NEDD4L: variants seen among roughly 807,000 people sequenced by gnomAD.
NEDD4L encodes E3 ubiquitin-protein ligase NEDD4-like.
NEDD4L carries 54 observed loss-of-function variants against 148.9 expected under a neutral mutation model. The ratio of observed to expected loss-of-function variants is 0.36; its 90% CI spans 0.29 to 0.45. NEDD4L has a LOEUF of 0.45. Ranked by LOEUF, NEDD4L falls within the 20% of genes least tolerant of loss-of-function variation. The pLI, the probability that NEDD4L is intolerant of heterozygous loss-of-function variation, is 1.00. For synonymous variants in NEDD4L, 433 were observed against 440.7 expected (o/e 0.98, Z 0.22); for missense variants, 856 against 1,233.8 (o/e 0.69, Z 4.59).
intron 1 of NEDD4L, among the ~76,000 whole-genome samples, chr18:58,142,115 G>C (rs2033605155): frequency 7.1e-6 from 1 of 140,066 alleles, no homozygotes; most frequent in Non-Finnish European, 1.5e-5. Context: ...GGCGTGATCT[G>C]GGGTCACTGC....
At chr18:58,276,694 A>ATTATTATTATTATTAT (rs367992185) in intron 5 of NEDD4L, among the ~76,000 whole-genome samples, 4 of 97,826 alleles carry the variant, frequency 4.1e-5, no homozygotes, top group African/African-American at 1.6e-4. Flanking sequence ...AATAATAATA[A>ATTATTATTATTATTAT]TATTATTATT....
intron 5 of NEDD4L, among the ~76,000 whole-genome samples, chr18:58,266,985 C>T (rs935012219): frequency 1.3e-5 from 2 of 152,180 alleles, no homozygotes; most frequent in East Asian, 1.9e-4. Flanking sequence ...TTAAAATAAT[C>T]TGGTGACTGC....
intron 5 of NEDD4L, chr18:58,314,736 G>A (rs1156417781): frequency 1.3e-5 from 2 of 152,310 alleles, no homozygotes; most frequent in Non-Finnish European, 2.9e-5. Context: ...CATTCTTCAT[G>A]CATACCCAAA....
intron 1 of NEDD4L, among the ~76,000 whole-genome samples, chr18:58,161,134 CATTCTCCTGCCTCA>C (rs2036154699): frequency 6.6e-6 from 1 of 152,062 alleles, no homozygotes; most frequent in African/African-American, 2.4e-5. Context: ...CTCCTGCCTC[CATTCTCCTGCCTCA>C]GCCTCCTGAG....
chr18:58,361,817 A>G (rs919073316), intron 19 of NEDD4L, among the ~76,000 whole-genome samples: 2 of 152,250 alleles, frequency 1.3e-5, no homozygotes, highest in Non-Finnish European at 2.9e-5. Context: ...CTATTTTACA[A>G]GCTAACTTGT....
intron 1 of NEDD4L, among the ~76,000 whole-genome samples, chr18:58,135,076 T>G (rs990593259): frequency 2.6e-5 from 4 of 151,966 alleles, no homozygotes; most frequent in Non-Finnish European, 5.9e-5. Flanking sequence ...TTTTTTTTTT[T>G]GGAATTGCCT....
chr18:58,185,450 A>G (rs187635083), intron 2 of NEDD4L, among the ~76,000 whole-genome samples: 3 of 152,332 alleles, frequency 2.0e-5, no homozygotes, highest in Admixed American at 6.5e-5. Context: ...AAATATATGT[A>G]TATTATATAA....
chr18:58,292,531 C>A (rs1284022926), intron 5 of NEDD4L, among the ~76,000 whole-genome samples: 1 of 152,218 alleles, frequency 6.6e-6, no homozygotes, highest in Non-Finnish European at 1.5e-5. Flanking sequence ...CATGATCTCG[C>A]TCCTCTACTC....
chr18:58,395,538 A>G (rs118171962), intron 30 of NEDD4L, among the ~76,000 whole-genome samples: 1,544 of 152,058 alleles, frequency 0.01, 10 homozygotes, highest in Non-Finnish European at 0.017. Context: ...TCTAAATGCA[A>G]CTTTACATAG....
intron 8 of NEDD4L, among the ~76,000 whole-genome samples, 170 bp from the exon 9 acceptor site, chr18:58,324,826 A>G (rs554573548): frequency 1.6e-4 from 24 of 152,204 alleles, no homozygotes; most frequent in African/African-American, 5.8e-4. Flanking sequence ...TGATATATAT[A>G]TATTTTTTTG....
chr18:58,275,491 A>G (rs1243886873), intron 5 of NEDD4L, among the ~76,000 whole-genome samples: 3 of 152,234 alleles, frequency 2.0e-5, no homozygotes, highest in Non-Finnish European at 4.4e-5. Context: ...AAACTTGTCA[A>G]GCAAATAATC....
chr18:58,060,183 A>C lies in NEDD4L; in HGVS notation c.48+15475A>C, dbSNP rs56855461. Among the ~76,000 whole-genome samples, 12 of 152,274 alleles carry C rather than the reference A, an allele frequency of 7.9e-5. No individual in the cohort carries two copies. The East Asian group carries it at 2.3e-3, about 30-fold the overall frequency. On this transcript the variant is annotated intron_variant, in intron 1 of 30. Coordinates refer to ENST00000400345, the MANE Select transcript of NEDD4L (RefSeq NM_001144967.3). ...AGGCACAGCTGAGGCCTGAGTGGCC[A>C]GACTGTAAAAGCCAAAGGAAGAAGT...
chr18:58,200,035 A>G (rs915117999), intron 2 of NEDD4L, among the ~76,000 whole-genome samples: 4 of 152,204 alleles, frequency 2.6e-5, no homozygotes, highest in African/African-American at 9.6e-5. Context: ...AGCACAAACA[A>G]AATTGCTGCC....
chr18:58,242,397 G>A (rs932711739), intron 2 of NEDD4L, among the ~76,000 whole-genome samples: 4 of 152,192 alleles, frequency 2.6e-5, no homozygotes, highest in Admixed American at 2.6e-4. Context: ...TCATTCATGA[G>A]CAGGCTGAAG....
chr18:58,256,169 TC>T lies in NEDD4L; in HGVS notation c.297+4117del. 8.2e-7 allele frequency: 1 copy of T among 1,217,870 alleles called. No homozygotes were observed. Among genetic ancestry groups the T allele is most frequent in the Non-Finnish European group, 1.0e-6 (1 of 979,336 alleles). 75.4% of individuals were successfully genotyped at this position (1,217,870 alleles called of 1,614,324 possible). On this transcript the variant is annotated intron_variant, in intron 5 of 30. Transcript: ENST00000400345. The surrounding 1 kb of genome is among the most constrained non-coding windows in gnomAD (Gnocchi z 5.2). ...CACGTGCGGCCGCCGCGTGCGGTGC[TC>T]CGGCCCCGTGGACTGCGCGGAGGAG...
At chr18:58,386,659 A>G (rs1269084401) in intron 26 of NEDD4L, among the ~76,000 whole-genome samples, 4 of 152,306 alleles carry the variant, frequency 2.6e-5, no homozygotes, top group South Asian at 2.1e-4. Context: ...AGTTACCTCA[A>G]AGATCACACA....
chr18:58,162,592 T>C (rs12604359), intron 1 of NEDD4L, among the ~76,000 whole-genome samples: 17,412 of 150,106 alleles, frequency 0.12, 1,304 homozygotes, highest in East Asian at 0.21. Context: ...TATCTTGCAT[T>C]ATGTATTTAT....
intron 5 of NEDD4L, among the ~76,000 whole-genome samples, chr18:58,298,230 A>G (rs903108981): frequency 2.0e-5 from 3 of 152,180 alleles, no homozygotes; most frequent in Admixed American, 6.5e-5. Flanking sequence ...AATTATAGAA[A>G]TATCCCTATA....
At chr18:58,276,691 ATAATAT>A (rs1167202267) in intron 5 of NEDD4L, among the ~76,000 whole-genome samples, 5 of 89,652 alleles carry the variant, frequency 5.6e-5, no homozygotes, top group East Asian at 3.7e-4. Flanking sequence ...AATAATAATA[ATAATAT>A]TATTATTATT....
Sources: gnomAD v4.1 joint callset for allele counts (sites outside exome capture counted in the v4.1 genomes callset) on GRCh38, gnomAD v4.1.1 for gene constraint, Gnocchi (gnomAD v3.1) non-coding constraint, MANE v1.5 for transcripts, NCBI Gene and HGNC (gene_info 2026-07-23, HGNC 2026-07-21) for gene names.